POU5F1: variants seen among roughly 807,000 people sequenced by gnomAD.
POU5F1 encodes POU domain, class 5, transcription factor 1.
In POU5F1, 6 loss-of-function variants were observed where a neutral mutation model predicts 38.3. The ratio of observed to expected loss-of-function variants is 0.16; its 90% CI spans 0.09 to 0.31. POU5F1 has a LOEUF of 0.31. POU5F1 is among the 10% of genes least tolerant of loss of function. POU5F1 has a pLI of 1.00. For synonymous variants in POU5F1, 147 were observed against 194.9 expected, an observed-to-expected ratio of 0.75 and a Z score of 2.05; for missense variants, 286 against 462.6, an observed-to-expected ratio of 0.62 and a Z score of 3.50.
Position 31,165,628 on chromosome 6 carries a change from C to A in POU5F1, c.600G>T (p.Leu200=), listed in dbSNP as rs115234511. 7.4e-4 allele frequency: 1,201 copies of A among 1,614,156 alleles called. 8 individuals carry two copies. The African/African-American group carries it at 0.012, about 16-fold the overall frequency. ...LQLSFKNMCK[L]RPLLQKWVEE... is the part of the protein sequence containing the mutation. ...CCACCCACTTCTGCAGCAAGGGCCGCAGCTTACACATGTTCTTGAAGCTAA... is the reference window on the plus strand; with the variant it reads ...CCACCCACTTCTGCAGCAAGGGCCGAAGCTTACACATGTTCTTGAAGCTAA... The change falls in exon 3 of 5, where the codon CTG becomes CTT. Residue 200 remains leucine (L), a synonymous_variant. Coordinates refer to ENST00000259915, the MANE Select transcript of POU5F1 (RefSeq NM_002701.6). The surrounding 1 kb of genome is among the most constrained non-coding windows in gnomAD (Gnocchi z 6.5).
intron 1 of POU5F1, among the ~76,000 whole-genome samples, chr6:31,168,676 A>G (rs3130501): frequency 0.78 from 118,761 of 152,172 alleles, 46,582 homozygotes; most frequent in Middle Eastern, 0.88. Flanking sequence ...GATGTAGGAC[A>G]TGAAAGAAAC....
chr6:31,167,065 A>T (rs573550776), intron 1 of POU5F1: 2 of 540,322 alleles, frequency 3.7e-6, no homozygotes, highest in South Asian at 1.6e-5. Flanking sequence ...GCGGCTATAC[A>T]AAGTGGACAA....
chr6:31,166,388 C>T lies in POU5F1; in HGVS notation c.406-341G>A, dbSNP rs1247763647. 11 of 1,392,308 alleles carry T rather than the reference C, an allele frequency of 7.9e-6. No individual in the cohort carries two copies. The East Asian group carries it at 9.9e-5, about 13-fold the overall frequency. The allele number at this position is 1,392,308 out of a possible 1,614,324, so 86.2% of individuals were successfully genotyped here. ...AAGGTTAGAAGTTCTTTGCTGGGCG[C>T]GGTGGCTCACGCCTATAATTCCAGC... is the stretch of plus-strand genomic sequence containing the variant. On this transcript the variant is annotated intron_variant, in intron 1 of 4. Coordinates refer to ENST00000259915, the MANE Select transcript of POU5F1 (RefSeq NM_002701.6).
In POU5F1 at chr6:31,165,766, A is replaced by G. The variant is rs895943169; in HGVS notation, c.527-65T>C. 5.1e-6 allele frequency: 8 copies of G among 1,571,790 alleles called. No individual in the cohort carries two copies. The African/African-American group carries it at 8.1e-5, about 16-fold the overall frequency. ...CACGCAGGGCCCTTGTGACCCTGAG[A>G]TCCAAGCTTACCACCTCTTCCCAGA... On this transcript the variant is annotated intron_variant, in intron 2 of 4. Transcript: ENST00000259915. This position sits in a 1 kb window ranked among gnomAD's most constrained non-coding sequence, Gnocchi z 6.5.
In POU5F1 at chr6:31,165,074, G is replaced by T. The variant is rs879841986; in HGVS notation, c.816+54C>A. ...GTTGGAGGAGCCAGAGCTAGGGAAA[G>T]CGAGGTGGTGACAGGGGAAAGAGAT... On this transcript the variant is annotated intron_variant, in intron 4 of 4. Transcript: ENST00000259915. This position sits in a 1 kb window ranked among gnomAD's most constrained non-coding sequence, Gnocchi z 6.5. The T allele has an allele frequency of 6.1e-5, 97 of 1,582,104 alleles. No individual in the cohort carries two copies. Among genetic ancestry groups the T allele is most frequent in the Non-Finnish European group, 8.2e-5 (96 of 1,164,744 alleles).
At position 31,165,613 on chromosome 6, in the gene POU5F1, C is replaced by A; in HGVS notation, c.615G>T (p.Gln205His). Residue 205 changes from glutamine to histidine, a missense_variant, in exon 3 of 5, where the codon CAG becomes CAT. By Grantham distance (24) the Gln-to-His change is conservative. Around this residue, in one of 2 missense-constraint regions of POU5F1, gnomAD observed 110 missense variants for 277.8 expected, o/e 0.40. Transcript: ENST00000259915. The surrounding 1 kb of genome is among the most constrained non-coding windows in gnomAD (Gnocchi z 6.5). ...TGTTGTCAGCTTCCTCCACCCACTT[C>A]TGCAGCAAGGGCCGCAGCTTACACA... ...KNMCKLRPLLQKWVEEADNNE... is the reference protein window; with the variant it reads ...KNMCKLRPLLHKWVEEADNNE... 6.2e-7 allele frequency: 1 copy of A among 1,614,230 alleles called. No homozygotes were observed. The highest frequency in any genetic ancestry group is 8.5e-7 in the Non-Finnish European group (1 of 1,180,048).
chr6:31,169,921 C>T (rs1777535892), intron 1 of POU5F1: 1 of 534,488 alleles, frequency 1.9e-6, no homozygotes. Context: ...ATGTGAGAGA[C>T]CCTGACAAGG....
chr6:31,166,900 G>T (rs958551486), intron 1 of POU5F1: 2 of 1,312,766 alleles, frequency 1.5e-6, no homozygotes, highest in Non-Finnish European at 9.9e-7. Context: ...CAGCAAAAAA[G>T]TAACAGGTGT....
In POU5F1 at chr6:31,170,286, G is replaced by A. The variant is rs762875743; in HGVS notation, c.335C>T (p.Pro112Leu). 3.7e-6 allele frequency: 6 copies of A among 1,612,730 alleles called. No individual in the cohort carries two copies. Among genetic ancestry groups the A allele is most frequent in the Non-Finnish European group, 5.1e-6 (6 of 1,179,832 alleles). ...GVESNSDGAS[P>L]EPCTVTPGAV... ...ACCAGGGGTGACGGTGCAGGGCTCCGGGGAGGCCCCATCGGAGTTGCTCTC... is the reference window on the plus strand; with the variant it reads ...ACCAGGGGTGACGGTGCAGGGCTCCAGGGAGGCCCCATCGGAGTTGCTCTC... Residue 112 changes from proline to leucine, a missense_variant, in exon 1 of 5, where the codon CCG (proline) becomes CTG (leucine). Physicochemically the swap from Pro to Leu is moderately conservative, Grantham distance 98. Around this residue, in one of 2 missense-constraint regions of POU5F1, gnomAD observed 176 missense variants for 184.8 expected, o/e 0.95. Transcript: ENST00000259915.
intron 1 of POU5F1, 183 bp from the exon 2 acceptor site, chr6:31,166,230 T>G: frequency 1.3e-6 from 2 of 1,548,426 alleles, no homozygotes; most frequent in East Asian, 2.5e-5. Flanking sequence ...CATTCACCCA[T>G]TCCCTGTTCA....
intron 4 of POU5F1, 125 bp from the exon 5 acceptor site, chr6:31,164,992 A>G: frequency 6.5e-7 from 1 of 1,547,486 alleles, no homozygotes; most frequent in Non-Finnish European, 8.7e-7. Flanking sequence ...TTAGAGAATG[A>G]GCTGAGACAG....
intron 1 of POU5F1, among the ~76,000 whole-genome samples, chr6:31,168,540 G>T (rs1777449410): frequency 6.6e-6 from 1 of 152,190 alleles, no homozygotes; most frequent in African/African-American, 2.4e-5. Context: ...TAGTTGACGT[G>T]TTGGCCACAG....
In POU5F1 at chr6:31,166,113, A is replaced by G. The variant is rs753723388; in HGVS notation, c.406-66T>C. 13 of 1,614,040 alleles carry G rather than the reference A, an allele frequency of 8.1e-6. No homozygotes were observed. In the South Asian group the frequency reaches 1.4e-4, roughly 18 times the overall value. On this transcript the variant is annotated intron_variant, in intron 1 of 4. Coordinates refer to ENST00000259915, the MANE Select transcript of POU5F1 (RefSeq NM_002701.6). Reference sequence around the variant, plus strand: ...CACCAGTTATCAATCTCCCCTTTCCATTCGGGATTCAAGAACCTACGTGTG... The same window carrying G: ...CACCAGTTATCAATCTCCCCTTTCCGTTCGGGATTCAAGAACCTACGTGTG...
Position 31,165,862 on chromosome 6 carries a change from C to T in POU5F1, c.526+65G>A. On this transcript the variant is annotated intron_variant, in intron 2 of 4. Transcript: ENST00000259915. This position sits in a 1 kb window ranked among gnomAD's most constrained non-coding sequence, Gnocchi z 6.5. ...TGAGGGTAGTCTGCCCCTGCCCCTC[C>T]CCACTAGGTTCAGGGATACTCCTTA... 6.2e-7 allele frequency: 1 copy of T among 1,603,834 alleles called. No homozygotes were observed. Among genetic ancestry groups the T allele is most frequent in the Non-Finnish European group, 8.5e-7 (1 of 1,173,362 alleles).
chr6:31,166,644 G>C lies in POU5F1; in HGVS notation c.406-597C>G. 5.2e-6 allele frequency: 6 copies of C among 1,155,906 alleles called. No homozygotes were observed. In the South Asian group the frequency reaches 1.3e-4, roughly 24 times the overall value. 71.6% of individuals were successfully genotyped at this position (1,155,906 alleles called of 1,614,324 possible). A position where few individuals can be genotyped will look rare whatever the true frequency, so the allele number is the denominator to read the frequency against. On this transcript the variant is annotated intron_variant, in intron 1 of 4. Coordinates refer to ENST00000259915, the MANE Select transcript of POU5F1 (RefSeq NM_002701.6). ...ACTGCACTCCAGCCTGGGTGACAGA[G>C]CAAGACTCTGTCTCAAAGAAAAAAA... is the stretch of plus-strand genomic sequence containing the variant.
intron 1 of POU5F1, among the ~76,000 whole-genome samples, chr6:31,167,387 A>G (rs1220066654): frequency 6.7e-6 from 1 of 148,460 alleles, no homozygotes; most frequent in Non-Finnish European, 1.5e-5. Flanking sequence ...TGCTGCCTCT[A>G]TTTAAAATAT....
chr6:31,170,268 G>C lies in POU5F1; in HGVS notation c.353C>G (p.Thr118Ser). ...CTTCTCCAGCTTCACGGCACCAGGG[G>C]TGACGGTGCAGGGCTCCGGGGAGGC... is the stretch of plus-strand genomic sequence containing the variant. Reference protein sequence around the residue: ...DGASPEPCTVTPGAVKLEKEK... With the variant: ...DGASPEPCTVSPGAVKLEKEK... The change falls in exon 1 of 5, where the codon ACC (threonine) becomes AGC (serine). Residue 118 changes from threonine (T) to serine (S), a missense_variant. Physicochemically the swap from Thr to Ser is moderately conservative, Grantham distance 58 (BLOSUM62 1). This residue lies in a region of POU5F1 where 176 missense variants were observed against 184.8 expected (regional missense o/e 0.95). Transcript: ENST00000259915. The C allele has an allele frequency of 6.2e-7, 1 of 1,612,910 alleles. No homozygotes were observed. Among genetic ancestry groups the C allele is most frequent in the Non-Finnish European group, 8.5e-7 (1 of 1,179,834 alleles).
At chr6:31,166,314 A>G in intron 1 of POU5F1, 1 of 1,484,394 alleles carries the variant, frequency 6.7e-7, no homozygotes, top group Non-Finnish European at 9.0e-7. Flanking sequence ...GAGCATCGTG[A>G]AAGGACAGAA....
chr6:31,169,610 G>A lies in POU5F1; in HGVS notation c.405+606C>T, dbSNP rs72856748. The stretch of plus-strand genomic sequence containing the variant: ...AGTCATTGGCCTGAGGCAGAGATCC[G>A]GGGAAGACAAGCCCTATACTTGACT... On this transcript the variant is annotated intron_variant, in intron 1 of 4. Coordinates refer to ENST00000259915, the MANE Select transcript of POU5F1 (RefSeq NM_002701.6). 3.3e-5 allele frequency among the ~76,000 whole-genome samples: 5 copies of A among 151,940 alleles called. No homozygotes were observed. In the East Asian group the frequency reaches 5.8e-4, roughly 18 times the overall value.
Sources: gnomAD v4.1 joint callset for allele counts (sites outside exome capture counted in the v4.1 genomes callset) on GRCh38, gnomAD v4.1.1 for gene constraint, gnomAD v4.1.1 regional missense constraint, Gnocchi (gnomAD v3.1) non-coding constraint, MANE v1.5 for transcripts, NCBI Gene and HGNC (gene_info 2026-07-23, HGNC 2026-07-21) for gene names.